OBI1: variants seen among roughly 807,000 people sequenced by gnomAD.
OBI1 encodes ORC ubiquitin ligase 1, also known as ring finger protein 219.
OBI1 carries 59 observed loss-of-function variants against 62.4 expected under a neutral mutation model. The observed-to-expected ratio is 0.95, with a 90% CI of 0.77 to 1.17. OBI1 has a LOEUF of 1.17. Among genes scored for constraint, OBI1 ranks in the 50% most tolerant of loss-of-function variants. OBI1 has a pLI of 0.00. For missense variants in OBI1, 875 were observed against 830.9 expected, an observed-to-expected ratio of 1.05 and a Z score of -0.65; for synonymous variants, 302 against 292.8, an observed-to-expected ratio of 1.03 and a Z score of -0.32.
rs757331853 is a variant in OBI1 at position 78,617,080 on chromosome 13, T to C, written c.681A>G (p.Glu227=). ...GGCGATTGGTTTCACGCTCATACTG[T>C]TCTACTTTGGACTGAAGAGCAGCAA... ...FAVAALQSKV[E]QYERETNRLK... Residue 227 remains glutamate, a synonymous_variant, in exon 6 of 6, where the codon GAA becomes GAG. Coordinates refer to ENST00000282003, the MANE Select transcript of OBI1 (RefSeq NM_024546.4). The C allele has an allele frequency of 6.3e-7, 1 of 1,596,472 alleles. No individual in the cohort carries two copies. Among genetic ancestry groups the C allele is most frequent in the Non-Finnish European group, 8.5e-7 (1 of 1,172,866 alleles).
intron 1 of OBI1, among the ~76,000 whole-genome samples, chr13:78,654,398 G>A (rs1018699032): frequency 6.6e-6 from 1 of 151,990 alleles, no homozygotes; most frequent in African/African-American, 2.4e-5. Context: ...AATTACTTAT[G>A]ACAATTATGT....
At chr13:78,624,468 A>AT (rs1236601208) in intron 5 of OBI1, among the ~76,000 whole-genome samples, 1 of 152,180 alleles carries the variant, frequency 6.6e-6, no homozygotes, top group African/African-American at 2.4e-5. Flanking sequence ...TATATTATTC[A>AT]TTTATTTTTG....
Position 78,616,074 on chromosome 13 carries a change from C to T in OBI1, c.1687G>A (p.Asp563Asn), listed in dbSNP as rs1401745684. The T allele has an allele frequency of 1.9e-6, 3 of 1,614,042 alleles. No homozygotes were observed. The Admixed American group carries it at 5.0e-5, about 27-fold the overall frequency. ...SPCNNGFKSL[D>N]LDGLSKSSQG... ...GATGACTTTGATAACCCATCCAAAT[C>T]CAGTGACTTAAAACCGTTATTACAA... The change falls in exon 6 of 6, where the codon GAT becomes AAT. Residue 563 changes from aspartate (D) to asparagine (N), a missense_variant. Transcript: ENST00000282003.
intron 1 of OBI1, among the ~76,000 whole-genome samples, chr13:78,658,141 G>A (rs1876764680): frequency 6.6e-6 from 1 of 152,186 alleles, no homozygotes; most frequent in Admixed American, 6.5e-5. Flanking sequence ...TCTCAAATCT[G>A]AGTCTACGGC....
At chr13:78,622,263 T>A (rs1875534867) in intron 5 of OBI1, among the ~76,000 whole-genome samples, 1 of 151,670 alleles carries the variant, frequency 6.6e-6, no homozygotes, top group African/African-American at 2.4e-5. Context: ...GGCGACATAA[T>A]GAGATCATGT....
chr13:78,649,378 C>G (rs1014153948), intron 1 of OBI1, among the ~76,000 whole-genome samples: 9 of 152,118 alleles, frequency 5.9e-5, no homozygotes, highest in African/African-American at 2.2e-4. Flanking sequence ...AGAGAGGCAG[C>G]GGCCAGATAA....
intron 5 of OBI1, among the ~76,000 whole-genome samples, chr13:78,630,399 C>A (rs1380895898): frequency 6.6e-6 from 1 of 152,026 alleles, no homozygotes; most frequent in African/African-American, 2.4e-5. Flanking sequence ...ATATCCTTTG[C>A]CTTTTGCCAA....
chr13:78,642,284 T>A (rs1876242750), intron 2 of OBI1, 71 bp from the exon 3 acceptor site: 1 of 934,226 alleles, frequency 1.1e-6, no homozygotes, highest in Non-Finnish European at 1.7e-6. Context: ...TCCTTTTTCA[T>A]ATTGTTTTAT....
intron 5 of OBI1, among the ~76,000 whole-genome samples, chr13:78,628,169 A>G (rs753690461): frequency 1.4e-4 from 22 of 152,346 alleles, no homozygotes; most frequent in Admixed American, 2.6e-4. Flanking sequence ...TTTAACTCTT[A>G]CTATTACTTA....
chr13:78,654,322 T>G (rs1044368830), intron 1 of OBI1, among the ~76,000 whole-genome samples: 1 of 152,240 alleles, frequency 6.6e-6, no homozygotes, highest in Non-Finnish European at 1.5e-5. Context: ...TCCTTCAAAC[T>G]TATTTTCAAC....
intron 1 of OBI1, among the ~76,000 whole-genome samples, chr13:78,658,136 A>G (rs1311686600): frequency 6.6e-6 from 1 of 152,152 alleles, no homozygotes; most frequent in Non-Finnish European, 1.5e-5. Context: ...GTATTTCTCA[A>G]ATCTGAGTCT....
At chr13:78,647,369 G>A (rs567842758) in intron 1 of OBI1, among the ~76,000 whole-genome samples, 5 of 152,350 alleles carry the variant, frequency 3.3e-5, no homozygotes, top group East Asian at 1.9e-4. Context: ...GAGAAAAACC[G>A]CCCTGTGGCG....
rs143887833 is a variant in OBI1 at position 78,659,105 on chromosome 13, G to A, written c.16C>T (p.Gln6Ter). Residue 6 changes from glutamine (Q) to a stop codon, truncating the protein, a stop_gained, in exon 1 of 6, where the codon CAG becomes TAG. Coordinates refer to ENST00000282003, the MANE Select transcript of OBI1 (RefSeq NM_024546.4). LOFTEE classifies it high-confidence loss of function. MAQTV[Q>*]NVTLSLTLPI... ...AGAGTGAGCGACAATGTAACATTCT[G>A]CACGGTCTGAGCCATGGCAGCGTTC... 9 of 1,611,992 alleles carry A rather than the reference G, an allele frequency of 5.6e-6. No individual in the cohort carries two copies. The highest frequency in any genetic ancestry group is 7.6e-6 in the Non-Finnish European group (9 of 1,179,440).
At chr13:78,626,739 T>C (rs989935917) in intron 5 of OBI1, among the ~76,000 whole-genome samples, 1 of 152,138 alleles carries the variant, frequency 6.6e-6, no homozygotes, top group Non-Finnish European at 1.5e-5. Flanking sequence ...GATATTAAAC[T>C]GAAGTTATAT....
At position 78,616,569 on chromosome 13, in the gene OBI1, G is replaced by C; in HGVS notation, c.1192C>G (p.Leu398Val). The change falls in exon 6 of 6, where the codon CTT (leucine) becomes GTT (valine). Residue 398 changes from leucine to valine, a missense_variant. Coordinates refer to ENST00000282003, the MANE Select transcript of OBI1 (RefSeq NM_024546.4). Reference sequence around the variant, plus strand: ...CTATTTTCTGGAGTACTGAGCTGAAGGCAACTAAGGGACAAAGGAGTACAA... The same window carrying C: ...CTATTTTCTGGAGTACTGAGCTGAACGCAACTAAGGGACAAAGGAGTACAA... ...APCTPLSLSCLQLSTPENRES... is the reference protein window; with the variant it reads ...APCTPLSLSCVQLSTPENRES... The C allele has an allele frequency of 6.2e-7, 1 of 1,614,076 alleles. No homozygotes were observed. Among genetic ancestry groups the C allele is most frequent in the Non-Finnish European group, 8.5e-7 (1 of 1,180,018 alleles).
Position 78,640,992 on chromosome 13 carries a change from T to C in OBI1, c.300+1130A>G, listed in dbSNP as rs115115342. 8.9e-3 allele frequency among the ~76,000 whole-genome samples: 1,361 copies of C among 152,332 alleles called. 20 individuals carry two copies. Among genetic ancestry groups the C allele is most frequent in the African/African-American group, 0.03 (1,260 of 41,574 alleles). The stretch of plus-strand genomic sequence containing the variant: ...ACTGTGACTATTGCAAGTATTAGCC[T>C]TCCCACTCTGGAAATGTTTATTATC... On this transcript the variant is annotated intron_variant, in intron 3 of 5. Transcript: ENST00000282003.
chr13:78,617,028 T>C lies in OBI1; in HGVS notation c.733A>G (p.Lys245Glu), dbSNP rs769711014. Residue 245 changes from lysine (K) to glutamate (E), a missense_variant, in exon 6 of 6, where the codon AAG becomes GAG. Lys to Glu is a moderately conservative substitution (Grantham distance 56). Transcript: ENST00000282003. Reference sequence around the variant, plus strand: ...TGAGATTCTAGTTCCTCTATATACTTATCACTTCGTTCCAGGGCTTTCTTG... The same window carrying C: ...TGAGATTCTAGTTCCTCTATATACTCATCACTTCGTTCCAGGGCTTTCTTG... ...RLKKALERSD[K>E]YIEELESQVA... 3 of 1,614,088 alleles carry C rather than the reference T, an allele frequency of 1.9e-6. No homozygotes were observed. The South Asian group carries it at 3.3e-5, about 18-fold the overall frequency.
In OBI1 at chr13:78,618,939, A is replaced by G. The variant is rs536635580; in HGVS notation, c.639-1817T>C. ...AGTACATTAAGTACAAATGTTTGTT[A>G]GTTCTTGATTGTAACTACTCTGGCA... On this transcript the variant is annotated intron_variant, in intron 5 of 5. Transcript: ENST00000282003. 2.0e-5 allele frequency among the ~76,000 whole-genome samples: 3 copies of G among 152,316 alleles called. No homozygotes were observed. In the South Asian group the frequency reaches 6.2e-4, roughly 32 times the overall value.
intron 5 of OBI1, among the ~76,000 whole-genome samples, chr13:78,634,230 CT>C (rs1174221057): frequency 6.6e-6 from 1 of 151,504 alleles, no homozygotes; most frequent in Non-Finnish European, 1.5e-5. Flanking sequence ...TTCAGATAGG[CT>C]TTTTTTTAGT....
Sources: allele counts gnomAD v4.1 joint callset (sites outside exome capture counted in the v4.1 genomes callset), GRCh38; gene constraint gnomAD v4.1.1; transcripts MANE v1.5; gene names NCBI Gene and HGNC (gene_info 2026-07-23, HGNC 2026-07-21).